The following ARSB variants were observed in gnomAD, a reference collection of about 807,000 sequenced individuals.
ARSB encodes arylsulfatase B, also known as N-acetylgalactosamine-4-sulfatase.
ARSB carries 41 observed loss-of-function variants against 50.9 expected under a neutral mutation model. The observed-to-expected ratio is 0.81, with a 90% confidence interval of 0.63 to 1.04. The LOEUF (loss-of-function observed/expected upper bound fraction) is 1.04, where lower values mean the gene tolerates loss of function less well. Ranked by LOEUF, ARSB falls within the 50% of genes least tolerant of loss-of-function variation. ARSB has a pLI of 0.00. For missense variants in ARSB, 672 were observed against 693.3 expected, an observed-to-expected ratio of 0.97 and a Z score of 0.35; for synonymous variants, 269 against 284.8, an observed-to-expected ratio of 0.94 and a Z score of 0.56.
chr5:78,892,826 G>A (rs1748376646), intron 4 of ARSB, among the ~76,000 whole-genome samples: 1 of 152,176 alleles, frequency 6.6e-6, no homozygotes, highest in Non-Finnish European at 1.5e-5. Context: ...TAAGTGCTCT[G>A]ACCACCAGCT....
At chr5:78,857,916 G>A (rs1186062428) in intron 5 of ARSB, among the ~76,000 whole-genome samples, 1 of 152,174 alleles carries the variant, frequency 6.6e-6, no homozygotes, top group Non-Finnish European at 1.5e-5. Context: ...TGCACTGATA[G>A]AACATTTTTT....
chr5:78,934,347 T>A (rs764420469), intron 4 of ARSB, among the ~76,000 whole-genome samples: 4 of 152,204 alleles, frequency 2.6e-5, no homozygotes, highest in Non-Finnish European at 4.4e-5. Flanking sequence ...AAACCTCCTA[T>A]GTCCTTTACT....
At chr5:78,915,765 T>A (rs1427531855) in intron 4 of ARSB, among the ~76,000 whole-genome samples, 1 of 152,230 alleles carries the variant, frequency 6.6e-6, no homozygotes, top group Admixed American at 6.5e-5. Context: ...TTATGTTTCA[T>A]ATACACATAG....
At chr5:78,783,972 A>G (rs1749002805) in intron 6 of ARSB, among the ~76,000 whole-genome samples, 1 of 152,196 alleles carries the variant, frequency 6.6e-6, no homozygotes, top group Admixed American at 6.5e-5. Context: ...CAAAATGAAC[A>G]GATGTTAACA....
At chr5:78,821,581 G>A (rs548225169) in intron 6 of ARSB, among the ~76,000 whole-genome samples, 3 of 152,372 alleles carry the variant, frequency 2.0e-5, no homozygotes, top group East Asian at 3.9e-4. Context: ...AGTGGTGAGA[G>A]TGAGGCAGAA....
intron 5 of ARSB, among the ~76,000 whole-genome samples, chr5:78,846,575 C>T (rs1745454713): frequency 6.6e-6 from 1 of 152,064 alleles, no homozygotes; most frequent in East Asian, 1.9e-4. Flanking sequence ...TATAGAAATG[C>T]TACTGATTTC....
intron 5 of ARSB, among the ~76,000 whole-genome samples, chr5:78,882,531 CTAA>C (rs1326389658): frequency 9.2e-5 from 14 of 152,002 alleles, no homozygotes; most frequent in African/African-American, 2.4e-4. Flanking sequence ...CATTTCAGAG[CTAA>C]TGTTTTAAAA....
chr5:78,802,871 A>C (rs191730789), intron 6 of ARSB, among the ~76,000 whole-genome samples: 218 of 152,354 alleles, frequency 1.4e-3, no homozygotes, highest in Non-Finnish European at 1.9e-3. Flanking sequence ...ATAGGATCAA[A>C]GTCTTTAAAT....
rs375478663 is a variant in ARSB at position 78,933,366 on chromosome 5, C to T, written c.898+21929G>A. 1.4e-4 allele frequency among the ~76,000 whole-genome samples: 21 copies of T among 152,278 alleles called. No homozygotes were observed. In the East Asian group the frequency reaches 1.5e-3, roughly 11 times the overall value. ...CCCCAAGAAAACTAGAGCCAGCTCC[C>T]GCTCAAGTTTCAAAGGCTCTGAGGT... is the stretch of plus-strand genomic sequence containing the variant. On this transcript the variant is annotated intron_variant, in intron 4 of 7. Coordinates refer to ENST00000264914, the MANE Select transcript of ARSB (RefSeq NM_000046.5).
Position 78,885,750 on chromosome 5 carries a change from C to A in ARSB, c.976G>T (p.Val326Phe). 1 of 1,614,144 alleles carries A rather than the reference C, an allele frequency of 6.2e-7. No individual in the cohort carries two copies. The highest frequency in any genetic ancestry group is 1.1e-5 in the South Asian group (1 of 91,076). The change falls in exon 5 of 8, where the codon GTC (valine) becomes TTC (phenylalanine). Residue 326 changes from valine (V) to phenylalanine (F), a missense_variant. By Grantham distance (50) the Val-to-Phe change is conservative (BLOSUM62 -1). Transcript: ENST00000264914. ...CTTGCCACAAAGCCCACCCCTCGGA[C>A]GCCTCCTTCCCACAGGCTCCATTTT... is the stretch of plus-strand genomic sequence containing the variant. Reference protein sequence around the residue: ...GRKWSLWEGGVRGVGFVASPL... With the variant: ...GRKWSLWEGGFRGVGFVASPL...
intron 5 of ARSB, 58 bp downstream of exon 5, chr5:78,885,526 G>A (rs1443487204): frequency 6.2e-7 from 1 of 1,600,344 alleles, no homozygotes; most frequent in Non-Finnish European, 8.5e-7. Flanking sequence ...TTGCTCAATG[G>A]AGTCAGGCTG....
chr5:78,943,034 A>G (rs548074995), intron 4 of ARSB, among the ~76,000 whole-genome samples: 4 of 152,274 alleles, frequency 2.6e-5, no homozygotes, highest in African/African-American at 4.8e-5. Flanking sequence ...CCATTATGTA[A>G]TGGCCTTCTT....
intron 4 of ARSB, among the ~76,000 whole-genome samples, chr5:78,907,489 G>A (rs1263679076): frequency 6.6e-6 from 1 of 152,148 alleles, no homozygotes; most frequent in South Asian, 2.1e-4. Context: ...AGTAACTGTC[G>A]GAACTCAGCT....
chr5:78,795,299 G>A (rs1360620148), intron 6 of ARSB, among the ~76,000 whole-genome samples: 1 of 152,130 alleles, frequency 6.6e-6, no homozygotes, highest in Non-Finnish European at 1.5e-5. Context: ...CAGCTCCATG[G>A]ACCCTAGGGG....
intron 6 of ARSB, among the ~76,000 whole-genome samples, chr5:78,824,113 C>A (rs542224194): frequency 6.6e-6 from 1 of 152,192 alleles, no homozygotes; most frequent in Non-Finnish European, 1.5e-5. Flanking sequence ...TGCATACCTG[C>A]TCTCCCTTTG....
At chr5:78,962,524 A>AT (rs10683109) in intron 3 of ARSB, among the ~76,000 whole-genome samples, 33,687 of 105,652 alleles carry the variant, frequency 0.32, 6,202 homozygotes, top group Middle Eastern at 0.37. Context: ...CATGTGCTCG[A>AT]TTTTTTTTTT....
chr5:78,893,837 G>A (rs575026675), intron 4 of ARSB, among the ~76,000 whole-genome samples: 14 of 152,324 alleles, frequency 9.2e-5, no homozygotes, highest in Admixed American at 7.2e-4. Context: ...TATTAAGCGA[G>A]TAAAAGTACC....
In ARSB at chr5:78,795,722, T is replaced by C. The variant is rs77443687; in HGVS notation, c.1214-13748A>G. ...ATCAGAAAAAGGTGAGGAGGAATATTGCAGATGTTATTTATTACCTACAGG... is the reference window on the plus strand; with the variant it reads ...ATCAGAAAAAGGTGAGGAGGAATATCGCAGATGTTATTTATTACCTACAGG... On this transcript the variant is annotated intron_variant, in intron 6 of 7. Coordinates refer to ENST00000264914, the MANE Select transcript of ARSB (RefSeq NM_000046.5). Among the ~76,000 whole-genome samples, 5 of 152,330 alleles carry C rather than the reference T, an allele frequency of 3.3e-5. No homozygotes were observed. In the East Asian group the frequency reaches 9.6e-4, roughly 29 times the overall value.
At chr5:78,925,634 C>A (rs1335957686) in intron 4 of ARSB, among the ~76,000 whole-genome samples, 2 of 152,096 alleles carry the variant, frequency 1.3e-5, no homozygotes, top group Admixed American at 6.6e-5. Flanking sequence ...GATATACCTC[C>A]CCACTTTTCA....
Sources: gnomAD v4.1 joint callset for allele counts (sites outside exome capture counted in the v4.1 genomes callset) on GRCh38, gnomAD v4.1.1 for gene constraint, MANE v1.5 for transcripts, NCBI Gene and HGNC (gene_info 2026-07-23, HGNC 2026-07-21) for gene names.